The following GRIP1 variants were observed in gnomAD, a reference collection of about 807,000 sequenced individuals.
GRIP1 encodes glutamate receptor interacting protein 1.
A neutral mutation model predicts 129.9 loss-of-function variants in GRIP1; 45 were observed. The observed-to-expected ratio is 0.35, with a 90% CI of 0.27 to 0.44. GRIP1 has a LOEUF of 0.44. GRIP1 is among the 20% of genes least tolerant of loss of function. GRIP1 has a pLI of 1.00. For missense variants in GRIP1, 1,196 were observed against 1,396.8 expected, an observed-to-expected ratio of 0.86 and a Z score of 2.29; for synonymous variants, 530 against 520.8, an observed-to-expected ratio of 1.02 and a Z score of -0.24.
intron 1 of GRIP1, among the ~76,000 whole-genome samples, chr12:66,758,837 T>C (rs529030538): frequency 6.6e-6 from 1 of 152,320 alleles, no homozygotes; most frequent in South Asian, 2.1e-4. Flanking sequence ...GTCATGCTAA[T>C]GCAAGAGGCA....
chr12:66,593,839 T>C (rs11176301), intron 2 of GRIP1, among the ~76,000 whole-genome samples: 16,424 of 151,878 alleles, frequency 0.11, 1,005 homozygotes, highest in Non-Finnish European at 0.14. Context: ...GAGGCTGAGG[T>C]GGGCGGATCA....
At chr12:67,052,275 A>G (rs2043358708) in intron 1 of GRIP1, among the ~76,000 whole-genome samples, 1 of 152,182 alleles carries the variant, frequency 6.6e-6, no homozygotes, top group African/African-American at 2.4e-5. Flanking sequence ...AGGGATCTCC[A>G]AACATCCTGG....
At chr12:66,525,275 T>A (rs994992192) in intron 5 of GRIP1, among the ~76,000 whole-genome samples, 1 of 152,050 alleles carries the variant, frequency 6.6e-6, no homozygotes, top group Non-Finnish European at 1.5e-5. Context: ...GATGCAAAAA[T>A]CCTCAATAAA....
intron 1 of GRIP1, 96 bp downstream of exon 1, chr12:66,678,754 G>T (rs1396532775): frequency 1.8e-6 from 2 of 1,104,928 alleles, no homozygotes; most frequent in Non-Finnish European, 2.7e-6. Flanking sequence ...ACAATAAATT[G>T]CAAAGGCAGT....
chr12:66,719,130 A>T (rs973927530), intron 1 of GRIP1, among the ~76,000 whole-genome samples: 1 of 152,182 alleles, frequency 6.6e-6, no homozygotes, highest in Non-Finnish European at 1.5e-5. Flanking sequence ...GGCAAAAAAC[A>T]ATACGAAACA....
chr12:66,707,980 G>T (rs1354106032), intron 1 of GRIP1, among the ~76,000 whole-genome samples: 2 of 151,994 alleles, frequency 1.3e-5, no homozygotes, highest in African/African-American at 4.8e-5. Context: ...ATCTTGCGTG[G>T]GAGAGGTTAT....
Position 66,409,988 on chromosome 12 carries a change from C to T in GRIP1, c.1839-3560G>A, listed in dbSNP as rs1404618227. 2.6e-5 allele frequency among the ~76,000 whole-genome samples: 4 copies of T among 152,104 alleles called. No homozygotes were observed. In the East Asian group the frequency reaches 7.7e-4, roughly 29 times the overall value. ...ATTAGTGGCCGGGCGCGGTGGCTCA[C>T]GCCTGTAATCCCAGCACTTTGGGAG... On this transcript the variant is annotated intron_variant, in intron 15 of 24. Coordinates refer to ENST00000359742, the MANE Select transcript of GRIP1 (RefSeq NM_001366722.1).
intron 5 of GRIP1, among the ~76,000 whole-genome samples, chr12:66,521,291 C>T (rs936577765): frequency 4.6e-5 from 7 of 152,184 alleles, no homozygotes; most frequent in Non-Finnish European, 8.8e-5. Flanking sequence ...TGTTAAGTGA[C>T]TGGCACAAAA....
At chr12:66,749,482 T>C (rs893671954) in intron 1 of GRIP1, among the ~76,000 whole-genome samples, 1 of 152,240 alleles carries the variant, frequency 6.6e-6, no homozygotes, top group Non-Finnish European at 1.5e-5. Context: ...GTTCTCTAAA[T>C]TAATTTTCTG....
At chr12:66,784,348 C>T (rs1337424745) in intron 1 of GRIP1, among the ~76,000 whole-genome samples, 12 of 152,178 alleles carry the variant, frequency 7.9e-5, no homozygotes, top group Admixed American at 7.9e-4. Context: ...CTATTATTTG[C>T]ACAGCACTGT....
intron 19 of GRIP1, among the ~76,000 whole-genome samples, chr12:66,391,568 G>C (rs74749982): frequency 0.015 from 2,245 of 152,192 alleles, 102 homozygotes; most frequent in Admixed American, 0.09. Context: ...TAAACATTCA[G>C]GGAAAGGGCA....
intron 1 of GRIP1, among the ~76,000 whole-genome samples, chr12:66,823,005 T>A (rs979313133): frequency 6.6e-6 from 1 of 152,110 alleles, no homozygotes; most frequent in African/African-American, 2.4e-5. Flanking sequence ...AAAAATAGAT[T>A]AACTAAAATA....
Position 66,392,525 on chromosome 12 carries a change from T to C in GRIP1, c.2270-23A>G, listed in dbSNP as rs556130145. On this transcript the variant is annotated intron_variant, in intron 18 of 24. Coordinates refer to ENST00000359742, the MANE Select transcript of GRIP1 (RefSeq NM_001366722.1). Reference sequence around the variant, plus strand: ...GGGCTTTATAGACAGGAAAGGAGTTTAAGTATCAGAGTAAATTTAAATAAA... The same window carrying C: ...GGGCTTTATAGACAGGAAAGGAGTTCAAGTATCAGAGTAAATTTAAATAAA... The C allele has an allele frequency of 5.0e-6, 8 of 1,607,678 alleles. No individual in the cohort carries two copies. The African/African-American group carries it at 1.1e-4, about 21-fold the overall frequency.
chr12:66,521,956 G>A (rs1592475926), intron 5 of GRIP1, among the ~76,000 whole-genome samples: 1 of 152,310 alleles, frequency 6.6e-6, no homozygotes, highest in East Asian at 1.9e-4. Context: ...GCTGGGGGAG[G>A]GTGCCTGCCA....
intron 24 of GRIP1, 57 bp downstream of exon 24, chr12:66,353,360 G>A (rs201656896): frequency 2.9e-5 from 36 of 1,242,882 alleles, no homozygotes; most frequent in Non-Finnish European, 3.8e-5. Context: ...AGGATGTGGA[G>A]GAAGCTCCCA....
At chr12:66,844,487 T>C (rs1406805545) in intron 1 of GRIP1, among the ~76,000 whole-genome samples, 2 of 152,086 alleles carry the variant, frequency 1.3e-5, no homozygotes, top group African/African-American at 2.4e-5. Context: ...TGTGGAGAAA[T>C]TGGAACCTTT....
At chr12:67,068,514 C>A (rs2043670841) in intron 1 of GRIP1, among the ~76,000 whole-genome samples, 1 of 152,098 alleles carries the variant, frequency 6.6e-6, no homozygotes, top group African/African-American at 2.4e-5. Flanking sequence ...GCCCCCTTGC[C>A]TCCCCTACGC....
chr12:66,510,239 C>T (rs73321208), intron 7 of GRIP1, among the ~76,000 whole-genome samples: 7,476 of 152,184 alleles, frequency 0.049, 592 homozygotes, highest in African/African-American at 0.17. Context: ...CATGACTCCA[C>T]GCTTGGCCTT....
intron 1 of GRIP1, among the ~76,000 whole-genome samples, chr12:66,978,939 C>T (rs1020473736): frequency 2.0e-5 from 3 of 151,680 alleles, no homozygotes; most frequent in African/African-American, 4.8e-5. Flanking sequence ...AGTGGTAGAC[C>T]GTGACACAGC....
Sources: allele counts gnomAD v4.1 joint callset (sites outside exome capture counted in the v4.1 genomes callset), GRCh38; gene constraint gnomAD v4.1.1; transcripts MANE v1.5; gene names NCBI Gene and HGNC (gene_info 2026-07-23, HGNC 2026-07-21).